The following ANK2 variants were observed in gnomAD, a reference collection of about 807,000 sequenced individuals.
The protein encoded by ANK2 is ankyrin 2.
In ANK2, 83 loss-of-function variants were observed where a neutral mutation model predicts 360.5. The ratio of observed to expected loss-of-function variants is 0.23; its 90% confidence interval spans 0.19 to 0.28. The LOEUF (loss-of-function observed/expected upper bound fraction) is 0.28. ANK2 is among the 10% of genes least tolerant of loss of function. ANK2 has a pLI of 1.00. For missense variants in ANK2, 4,201 were observed against 4,795.7 expected (o/e 0.88, Z 3.66); for synonymous variants, 1,740 against 1,759.5 (o/e 0.99, Z 0.28).
intron 1 of ANK2, among the ~76,000 whole-genome samples, chr4:113,156,571 C>T (rs979409349): frequency 6.6e-6 from 1 of 151,658 alleles, no homozygotes. Context: ...AGGGTTTCAC[C>T]ATGTTGCCCT....
At chr4:113,125,446 A>G (rs2095607774) in intron 1 of ANK2, among the ~76,000 whole-genome samples, 2 of 152,182 alleles carry the variant, frequency 1.3e-5, no homozygotes, top group African/African-American at 4.8e-5. Flanking sequence ...CAGGCAACAT[A>G]CCAGAAAGCT....
In ANK2 at chr4:113,262,814, T is replaced by C. The variant is rs574411900; in HGVS notation, c.1387-2083T>C. On this transcript the variant is annotated intron_variant, in intron 13 of 45. Transcript: ENST00000357077. ...CCATTTTATATAAAGGACTTGAGCA[T>C]CCATGTATTTTGGTATTGGTGGGGG... 6.6e-4 allele frequency among the ~76,000 whole-genome samples: 100 copies of C among 151,970 alleles called. 1 individual carries two copies. The highest frequency in any genetic ancestry group is 2.1e-3 in the African/African-American group (88 of 41,304).
At position 113,339,273 on chromosome 4, in the gene ANK2, T is replaced by C; in HGVS notation, c.3844T>C (p.Leu1282=). Residue 1282 remains leucine (L), a synonymous_variant, in exon 32 of 46, where the codon TTA becomes CTA. Transcript: ENST00000357077. ...QWEDITGTTP[L]TFVNECVSFT... ...GGAAGATATTACAGGAACTACGCCA[T>C]TAACATTTGTCAATGAATGTGTTTC... The C allele has an allele frequency of 6.2e-7, 1 of 1,614,086 alleles. No individual in the cohort carries two copies. The highest frequency in any genetic ancestry group is 8.5e-7 in the Non-Finnish European group (1 of 1,180,006).
chr4:113,374,982 T>C (rs926136211), intron 45 of ANK2: 1 of 1,026,992 alleles, frequency 9.7e-7, no homozygotes, highest in Non-Finnish European at 1.2e-6. Context: ...TTTATGTGTG[T>C]GTTTTATGTT....
At chr4:112,993,566 A>T (rs2047574657) in intron 2 of ANK2, among the ~76,000 whole-genome samples, 1 of 151,488 alleles carries the variant, frequency 6.6e-6, no homozygotes, top group Non-Finnish European at 1.5e-5. Context: ...TCGGCCTCCC[A>T]AAGTGCTGGG....
At chr4:113,255,455 C>G (rs770076514) in intron 10 of ANK2, among the ~76,000 whole-genome samples, 1 of 152,088 alleles carries the variant, frequency 6.6e-6, no homozygotes, top group Non-Finnish European at 1.5e-5. Context: ...TAATATTGCC[C>G]TAATAACTGT....
At chr4:112,946,153 G>T (rs2094528864) in intron 2 of ANK2, among the ~76,000 whole-genome samples, 1 of 152,156 alleles carries the variant, frequency 6.6e-6, no homozygotes, top group Non-Finnish European at 1.5e-5. Flanking sequence ...GGGGTTTGTT[G>T]CCTTTCCTCG....
chr4:113,356,586 G>C lies in ANK2; in HGVS notation c.7968G>C (p.Glu2656Asp), dbSNP rs1379576194. The C allele has an allele frequency of 1.2e-6, 2 of 1,613,996 alleles. No homozygotes were observed. The highest frequency in any genetic ancestry group is 1.7e-6 in the Non-Finnish European group (2 of 1,179,988). Residue 2656 changes from glutamate (E) to aspartate (D), a missense_variant, in exon 38 of 46, where the codon GAG becomes GAC. Glu to Asp is a conservative substitution (Grantham distance 45). This residue lies in a region of ANK2 where 2,642 missense variants were observed against 2,714.5 expected (regional missense o/e 0.97). Coordinates refer to ENST00000357077, the MANE Select transcript of ANK2 (RefSeq NM_001148.6). ...ESGVPVLVTS[E>D]SRKVSSSSES... is the part of the protein sequence containing the mutation. ...GTGTCCCTGTGTTAGTAACTTCGGA[G>C]AGCAGGAAGGTGTCTTCCTCCTCAG... is the stretch of plus-strand genomic sequence containing the variant.
rs1554584061 is a variant in ANK2, at chr4:113,366,414, T to TTTA, written c.11033-1152_11033-1151insTTA. 1.5e-3 allele frequency among the ~76,000 whole-genome samples: 217 copies of TTTA among 147,412 alleles called. 1 individual carries two copies. The highest frequency in any genetic ancestry group is 5.2e-3 in the African/African-American group (205 of 39,636). On this transcript the variant is annotated intron_variant, in intron 41 of 45. Transcript: ENST00000357077. ...TCCTTTTTTTTTTTTTTTTTTTTTT[T>TTTA]AACTTTACTGGCTGTTTCTCCTTCC...
chr4:112,960,754 A>G (rs1470306026), intron 2 of ANK2, among the ~76,000 whole-genome samples: 4 of 152,128 alleles, frequency 2.6e-5, no homozygotes, highest in Admixed American at 6.5e-5. Context: ...CAGCGTTTTC[A>G]TAGTAATAAG....
chr4:112,950,300 A>G (rs1334670583), intron 2 of ANK2, among the ~76,000 whole-genome samples: 1 of 152,238 alleles, frequency 6.6e-6, no homozygotes, highest in African/African-American at 2.4e-5. Flanking sequence ...GAACTGATAG[A>G]ACGTAAATGG....
rs764297357 is a variant in ANK2 at position 113,358,293 on chromosome 4, C to T, written c.9675C>T (p.Leu3225=). The change falls in exon 38 of 46, where the codon CTC becomes CTT. Residue 3225 remains leucine, a synonymous_variant. Coordinates refer to ENST00000357077, the MANE Select transcript of ANK2 (RefSeq NM_001148.6). ...CTGTTAGTGTAGGGACCAAGGACCTCCCCACCGTGCAAACGGGTGATATAC... is the reference window on the plus strand; with the variant it reads ...CTGTTAGTGTAGGGACCAAGGACCTTCCCACCGTGCAAACGGGTGATATAC... The part of the protein sequence containing the change: ...KEAVSVGTKD[L]PTVQTGDIPP... The T allele has an allele frequency of 5.0e-6, 8 of 1,613,356 alleles. No homozygotes were observed. The African/African-American group carries it at 1.1e-4, about 22-fold the overall frequency.
chr4:112,800,570 C>T, the ANK2 span, among the ~76,000 whole-genome samples: 1 of 152,100 alleles, frequency 6.6e-6, no homozygotes, highest in Non-Finnish European at 1.5e-5. Context: ...TATTTGCCAG[C>T]GTTGGGAGAA....
At chr4:112,757,339 C>G in the ANK2 span, among the ~76,000 whole-genome samples, 2 of 151,948 alleles carry the variant, frequency 1.3e-5, no homozygotes, top group South Asian at 4.2e-4. Flanking sequence ...AGGCTGGTCT[C>G]GAACTCCTGA....
chr4:112,763,635 C>T, the ANK2 span, among the ~76,000 whole-genome samples: 1 of 151,618 alleles, frequency 6.6e-6, no homozygotes, highest in Non-Finnish European at 1.5e-5. Context: ...CGGGTTCAGC[C>T]ATTCTCCTGC....
intron 2 of ANK2, among the ~76,000 whole-genome samples, chr4:112,924,939 C>T (rs972629609): frequency 6.6e-6 from 1 of 151,286 alleles, no homozygotes; most frequent in East Asian, 2.0e-4. Flanking sequence ...CCCCGGTTCA[C>T]GCAATCCTAC....
chr4:113,374,961 T>A, intron 45 of ANK2: 3 of 1,100,130 alleles, frequency 2.7e-6, no homozygotes, highest in Non-Finnish European at 3.4e-6. Context: ...AGAAGCATCA[T>A]CATTTGTCTT....
intron 2 of ANK2, among the ~76,000 whole-genome samples, chr4:112,989,704 A>G (rs1022512115): frequency 1.3e-5 from 2 of 152,224 alleles, no homozygotes; most frequent in African/African-American, 4.8e-5. Flanking sequence ...TTAAAAGAGA[A>G]TGGCAGGAAG....
At chr4:113,141,330 G>C (rs1406566485) in intron 1 of ANK2, 1 of 152,196 alleles carries the variant, frequency 6.6e-6, no homozygotes, top group African/African-American at 2.4e-5. Context: ...CCAGCCCAGA[G>C]AGTGAGAAAC....
Sources: allele counts gnomAD v4.1 joint callset (sites outside exome capture counted in the v4.1 genomes callset), GRCh38; gene constraint gnomAD v4.1.1; regional missense constraint gnomAD v4.1.1; transcripts MANE v1.5; gene names NCBI Gene and HGNC (gene_info 2026-07-23, HGNC 2026-07-21).